The following FAM120B variants were observed in gnomAD, a reference collection of about 807,000 sequenced individuals.
FAM120B encodes the protein family with sequence similarity 120 member B.
In FAM120B, 83 loss-of-function variants were observed where a neutral mutation model predicts 96.3. The observed-to-expected ratio is 0.86, with a 90% confidence interval of 0.72 to 1.03. The LOEUF (loss-of-function observed/expected upper bound fraction) is 1.03, where lower values mean the gene tolerates loss of function less well. Among genes scored for constraint, FAM120B ranks in the 50% least tolerant of loss-of-function variants. The pLI, the probability that FAM120B is intolerant of heterozygous loss-of-function variation, is 0.00. For synonymous variants in FAM120B, 407 were observed against 402.7 expected, an observed-to-expected ratio of 1.01 and a Z score of -0.13; for missense variants, 1,027 against 1,121.2, an observed-to-expected ratio of 0.92 and a Z score of 1.20.
At chr6:170,399,261 C>G (rs1318886428) in intron 9 of FAM120B, among the ~76,000 whole-genome samples, 1 of 145,172 alleles carries the variant, frequency 6.9e-6, no homozygotes, top group Non-Finnish European at 1.5e-5. Flanking sequence ...AAAGGTAGAA[C>G]TATGTCATAA....
intron 4 of FAM120B, among the ~76,000 whole-genome samples, chr6:170,344,499 G>A (rs1366651555): frequency 6.9e-6 from 1 of 143,988 alleles, no homozygotes; most frequent in East Asian, 2.1e-4. Context: ...TGGTTCCTGA[G>A]CAGCCCCACC....
At chr6:170,388,210 C>T in intron 6 of FAM120B, 77 bp from the exon 7 acceptor site, 1 of 1,271,156 alleles carries the variant, frequency 7.9e-7, no homozygotes, top group Non-Finnish European at 1.1e-6. Context: ...AGCAGAGTAA[C>T]TTTGCAGAGC....
At chr6:170,291,151 C>T (rs1783859086), upstream of FAM120B, 1 of 589,206 alleles carries the variant, frequency 1.7e-6, no homozygotes, top group South Asian at 1.6e-5. Flanking sequence ...CTGCCCCCGC[C>T]CCCAGCCCCC....
intron 5 of FAM120B, among the ~76,000 whole-genome samples, chr6:170,357,225 T>A (rs1157822422): frequency 6.6e-6 from 1 of 152,078 alleles, no homozygotes. Context: ...CTTAGGATGC[T>A]GTGGAGTCGT....
chr6:170,295,442 G>A lies in FAM120B; in HGVS notation c.37G>A (p.Gly13Ser), dbSNP rs1256947188. The change falls in exon 1 of 11, where the codon GGC (glycine) becomes AGC (serine). Residue 13 changes from glycine (G) to serine (S), a missense_variant. By Grantham distance (56) the Gly-to-Ser change is moderately conservative. Transcript: ENST00000537664. This position sits in a 1 kb window ranked among gnomAD's most constrained non-coding sequence, Gnocchi z 7.8. ...TCGAGGCTCCACCAGCGCTGGCGCA[G>A]GCAGGAAGGAGGTGAGCGCCGCCCG... 3 of 701,742 alleles carry A rather than the reference G, an allele frequency of 4.3e-6. No individual in the cohort carries two copies. The highest frequency in any genetic ancestry group is 2.7e-5 in the East Asian group (1 of 37,252). 43.5% of individuals were successfully genotyped at this position (701,742 alleles called of 1,614,324 possible). A position where few individuals can be genotyped will look rare whatever the true frequency, so the allele number is the denominator to read the frequency against.
At chr6:170,374,325 G>A (rs1016638784) in intron 6 of FAM120B, among the ~76,000 whole-genome samples, 1 of 152,212 alleles carries the variant, frequency 6.6e-6, no homozygotes, top group African/African-American at 2.4e-5. Context: ...TGAAATGGGA[G>A]CATGGAAAGT....
intron 4 of FAM120B, among the ~76,000 whole-genome samples, chr6:170,331,102 T>G (rs1422213695): frequency 6.6e-6 from 1 of 152,192 alleles, no homozygotes; most frequent in African/African-American, 2.4e-5. Flanking sequence ...AAAAACAAAG[T>G]TCACCTGCAG....
intron 9 of FAM120B, among the ~76,000 whole-genome samples, chr6:170,398,434 A>G (rs28479610): frequency 3.1e-3 from 143 of 46,098 alleles, no homozygotes; most frequent in Middle Eastern, 0.016. Flanking sequence ...GGAGTGAGTG[A>G]GAAAGGTAGA....
At chr6:170,365,012 C>A (rs1448331858) in intron 6 of FAM120B, among the ~76,000 whole-genome samples, 2 of 152,194 alleles carry the variant, frequency 1.3e-5, no homozygotes, top group East Asian at 1.9e-4. Flanking sequence ...CTGGAGTTTA[C>A]AACATCAGAA....
chr6:170,290,977 G>A, upstream of FAM120B: 5 of 701,648 alleles, frequency 7.1e-6, no homozygotes, highest in South Asian at 7.4e-5. The surrounding 1 kb of genome is among the most constrained non-coding windows in gnomAD (Gnocchi z 4.7). Flanking sequence ...CCGCCCGCAT[G>A]GCTAATGAGA....
At chr6:170,308,467 A>G (rs1167335071) in intron 1 of FAM120B, among the ~76,000 whole-genome samples, 1 of 152,112 alleles carries the variant, frequency 6.6e-6, no homozygotes, top group African/African-American at 2.4e-5. Context: ...AGTAGGTGAC[A>G]TCTGGGGTAA....
chr6:170,390,686 G>A (rs1167799552), intron 7 of FAM120B, among the ~76,000 whole-genome samples: 1 of 152,136 alleles, frequency 6.6e-6, no homozygotes, highest in East Asian at 1.9e-4. Flanking sequence ...ACTTTTTAAG[G>A]TAAGATTGTG....
At chr6:170,361,202 A>ATT (rs1554286359) in intron 6 of FAM120B, among the ~76,000 whole-genome samples, 3 of 73,858 alleles carry the variant, frequency 4.1e-5, no homozygotes, top group African/African-American at 1.7e-4. Flanking sequence ...ATACGTGTAT[A>ATT]TATATATATA....
chr6:170,305,070 T>G (rs1251087623), upstream of FAM120B, among the ~76,000 whole-genome samples: 1 of 151,886 alleles, frequency 6.6e-6, no homozygotes, highest in Non-Finnish European at 1.5e-5. Flanking sequence ...ATGGCACTAT[T>G]CCCATTCATG....
chr6:170,295,452 A>G lies in FAM120B; in HGVS notation c.47A>G (p.Glu16Gly). ...ACCAGCGCTGGCGCAGGCAGGAAGGAGGTGAGCGCCGCCCGCGTGCACACA... is the reference window on the plus strand; with the variant it reads ...ACCAGCGCTGGCGCAGGCAGGAAGGGGGTGAGCGCCGCCCGCGTGCACACA... Residue 16 changes from glutamate to glycine, a missense_variant and splice_region_variant, in exon 1 of 11, where the codon GAG becomes GGG. Glu to Gly is a moderately conservative substitution (Grantham distance 98). Coordinates refer to the FAM120B transcript ENST00000537664. This position sits in a 1 kb window ranked among gnomAD's most constrained non-coding sequence, Gnocchi z 7.8. 1.4e-6 allele frequency: 1 copy of G among 701,160 alleles called. No individual in the cohort carries two copies. The highest frequency in any genetic ancestry group is 2.6e-6 in the Non-Finnish European group (1 of 384,350). 43.4% of individuals were successfully genotyped at this position (701,160 alleles called of 1,614,324 possible). A position where few individuals can be genotyped will look rare whatever the true frequency, so the allele number is the denominator to read the frequency against.
intron 9 of FAM120B, among the ~76,000 whole-genome samples, chr6:170,400,402 C>T (rs181828770): frequency 9.3e-4 from 141 of 152,254 alleles, no homozygotes; most frequent in African/African-American, 3.3e-3. Flanking sequence ...GTACTGACTC[C>T]TCTGGGAATG....
chr6:170,369,809 T>C (rs1789062493), intron 6 of FAM120B, among the ~76,000 whole-genome samples: 2 of 152,054 alleles, frequency 1.3e-5, no homozygotes, highest in South Asian at 2.1e-4. Context: ...GCTCAGTTAC[T>C]TGGGGGTGGA....
chr6:170,332,203 A>G (rs1390574680), intron 4 of FAM120B, among the ~76,000 whole-genome samples: 1 of 152,218 alleles, frequency 6.6e-6, no homozygotes, highest in Non-Finnish European at 1.5e-5. Context: ...ATTCCAGATT[A>G]TTTCAATGGG....
At chr6:170,297,563 C>T (rs1003282552) in intron 1 of FAM120B, among the ~76,000 whole-genome samples, 2 of 152,142 alleles carry the variant, frequency 1.3e-5, no homozygotes, top group Non-Finnish European at 2.9e-5. Flanking sequence ...TCCCTCCAGC[C>T]CACCCCGCCC....
Sources: gnomAD v4.1 joint callset for allele counts (sites outside exome capture counted in the v4.1 genomes callset) on GRCh38, gnomAD v4.1.1 for gene constraint, Gnocchi (gnomAD v3.1) non-coding constraint, MANE v1.5 for transcripts, NCBI Gene and HGNC (gene_info 2026-07-23, HGNC 2026-07-21) for gene names.